The following AKAP6 variants were observed in gnomAD, a reference collection of about 807,000 sequenced individuals.
AKAP6 encodes A-kinase anchor protein 6.
AKAP6 carries 58 observed loss-of-function variants against 188.5 expected under a neutral mutation model. The ratio of observed to expected loss-of-function variants is 0.31; its 90% CI spans 0.25 to 0.38. The LOEUF (loss-of-function observed/expected upper bound fraction) is 0.38, where lower values mean the gene tolerates loss of function less well. Among genes scored for constraint, AKAP6 ranks in the 10% least tolerant of loss-of-function variants. The pLI is 1.00. For synonymous variants in AKAP6, 989 were observed against 998.6 expected (o/e 0.99, Z 0.18); for missense variants, 2,710 against 2,740.0 (o/e 0.99, Z 0.24).
chr14:32,739,940 G>C (rs2031600910), intron 11 of AKAP6, among the ~76,000 whole-genome samples: 1 of 151,938 alleles, frequency 6.6e-6, no homozygotes, highest in Admixed American at 6.6e-5. Context: ...GTTTTTTGGA[G>C]AACCTTCAAA....
Position 32,732,601 on chromosome 14 carries a change from G to T in AKAP6, c.3147+1G>T, listed in dbSNP as rs1397020168. ...TAATGAAAAATGGGAACTGCTTGGG[G>T]TATTTGCATTTTTATTACTGTTTGT... On this transcript the variant is annotated splice_donor_variant, in intron 10 of 13. Transcript: ENST00000280979. LOFTEE classifies it high-confidence loss of function. 6.2e-7 allele frequency: 1 copy of T among 1,613,198 alleles called. No homozygotes were observed. Among genetic ancestry groups the T allele is most frequent in the Non-Finnish European group, 8.5e-7 (1 of 1,179,604 alleles).
chr14:32,685,790 C>T (rs576693281), intron 8 of AKAP6, among the ~76,000 whole-genome samples: 11 of 144,954 alleles, frequency 7.6e-5, no homozygotes, highest in South Asian at 2.2e-4. Context: ...CAGGCAATAA[C>T]AAATGCTGGC....
At chr14:32,795,398 C>A (rs570243987) in intron 12 of AKAP6, among the ~76,000 whole-genome samples, 75 of 152,266 alleles carry the variant, frequency 4.9e-4, no homozygotes, top group Middle Eastern at 6.8e-3. Context: ...AAACTACTGG[C>A]AAACTGAATC....
At chr14:32,488,068 C>T (rs1221941075) in intron 2 of AKAP6, among the ~76,000 whole-genome samples, 1 of 152,200 alleles carries the variant, frequency 6.6e-6, no homozygotes, top group Non-Finnish European at 1.5e-5. Flanking sequence ...GTTGGGAGAT[C>T]CGCTGGTCTC....
At chr14:32,736,364 G>A (rs2139845104) in intron 11 of AKAP6, among the ~76,000 whole-genome samples, 2 of 152,190 alleles carry the variant, frequency 1.3e-5, no homozygotes, top group Middle Eastern at 6.8e-3. Flanking sequence ...TGTAAAACAA[G>A]TTCACACATT....
chr14:32,395,508 T>G (rs931984352), intron 1 of AKAP6, among the ~76,000 whole-genome samples: 15 of 152,086 alleles, frequency 9.9e-5, no homozygotes, highest in African/African-American at 3.6e-4. Context: ...GGCTGGTAGA[T>G]TAGGTCAACC....
chr14:32,622,521 T>G (rs1241736080), intron 7 of AKAP6, among the ~76,000 whole-genome samples: 1 of 152,118 alleles, frequency 6.6e-6, no homozygotes, highest in Non-Finnish European at 1.5e-5. Flanking sequence ...ACCAGGAAGT[T>G]AAAGAATCCC....
intron 4 of AKAP6, among the ~76,000 whole-genome samples, chr14:32,551,209 C>G (rs1415101449): frequency 2.0e-5 from 3 of 152,138 alleles, no homozygotes; most frequent in Non-Finnish European, 4.4e-5. Context: ...ATTTATAATT[C>G]CTTCACCTGT....
chr14:32,466,847 T>TATA (rs1555331133), intron 2 of AKAP6, among the ~76,000 whole-genome samples: 1 of 77,842 alleles, frequency 1.3e-5, no homozygotes, highest in Admixed American at 1.2e-4. Context: ...ATATATATAT[T>TATA]TTCTTTCTTA....
chr14:32,811,255 A>AAAAAAAAAAAAAAAAAAAAAAAAT lies in AKAP6; in HGVS notation c.3589-10146_3589-10145insAAAAAAAAAAAAAAAAAAAAAATA, dbSNP rs546819675. On this transcript the variant is annotated intron_variant, in intron 12 of 13. Transcript: ENST00000280979. ...CTCCGTCTCAGGAAAAAAAAAAAAA[A>AAAAAAAAAAAAAAAAAAAAAAAAT]AGTTGAAAAACAGACTAAGATAATG... Among the ~76,000 whole-genome samples the AAAAAAAAAAAAAAAAAAAAAAAAT allele has an allele frequency of 3.1e-4, 37 of 118,338 alleles. 2 individuals carry two copies. The highest frequency in any genetic ancestry group is 1.3e-3 in the East Asian group (5 of 3,844). The allele number at this position is 118,338 out of a possible 152,430, so 77.6% of individuals were successfully genotyped here.
chr14:32,624,906 T>A (rs1055563351), intron 7 of AKAP6, among the ~76,000 whole-genome samples: 49 of 152,146 alleles, frequency 3.2e-4, no homozygotes, highest in African/African-American at 1.1e-3. Context: ...ACAAGTAGAA[T>A]AATAAACATA....
chr14:32,523,583 C>G (rs1354005332), intron 2 of AKAP6, among the ~76,000 whole-genome samples: 1 of 151,788 alleles, frequency 6.6e-6, no homozygotes, highest in Admixed American at 6.6e-5. Flanking sequence ...ATCCTCCCAC[C>G]TCAGCTTCCT....
In AKAP6 at chr14:32,659,907, C is replaced by T. The variant is rs147409853; in HGVS notation, c.2731-18404C>T. Among the ~76,000 whole-genome samples the T allele has an allele frequency of 2.6e-4, 40 of 152,038 alleles. No individual in the cohort carries two copies. In the East Asian group the frequency reaches 7.0e-3, roughly 27 times the overall value. On this transcript the variant is annotated intron_variant, in intron 7 of 13. Coordinates refer to ENST00000280979, the MANE Select transcript of AKAP6 (RefSeq NM_004274.5). ...TCAGCTGTAGAGAATAACAAACAAA[C>T]ATAAGATTTCCATGTATAAGGTGTA... is the stretch of plus-strand genomic sequence containing the variant.
At chr14:32,466,847 T>TATATATATATATATATATATATATA (rs1555331133) in intron 2 of AKAP6, among the ~76,000 whole-genome samples, 3 of 77,838 alleles carry the variant, frequency 3.9e-5, no homozygotes, top group Non-Finnish European at 6.6e-5. Context: ...ATATATATAT[T>TATATATATATATATATATATATATA]TTCTTTCTTA....
At chr14:32,392,484 A>T (rs1888744473) in intron 1 of AKAP6, among the ~76,000 whole-genome samples, 1 of 152,162 alleles carries the variant, frequency 6.6e-6, no homozygotes, top group African/African-American at 2.4e-5. Flanking sequence ...ATACATACAT[A>T]TATTTTCCAG....
rs192031545 is a variant in AKAP6 at position 32,466,087 on chromosome 14, C to T, written c.324+32270C>T. Among the ~76,000 whole-genome samples, 15 of 152,094 alleles carry T rather than the reference C, an allele frequency of 9.9e-5. No homozygotes were observed. The Middle Eastern group carries it at 0.01, about 103-fold the overall frequency. On this transcript the variant is annotated intron_variant, in intron 2 of 13. Coordinates refer to ENST00000280979, the MANE Select transcript of AKAP6 (RefSeq NM_004274.5). Reference sequence around the variant, plus strand: ...AAAGTCAGGAAACAACAGATGCTGGCGAGGCTGTGGAGAAATAGGAATGCT... The same window carrying T: ...AAAGTCAGGAAACAACAGATGCTGGTGAGGCTGTGGAGAAATAGGAATGCT...
intron 13 of AKAP6, among the ~76,000 whole-genome samples, chr14:32,827,323 TA>T (rs930158014): frequency 8.0e-5 from 12 of 150,586 alleles, no homozygotes; most frequent in Non-Finnish European, 1.5e-4. Flanking sequence ...ATCAGGACAG[TA>T]AAATTCACCA....
At chr14:32,540,764 C>G (rs1403445211) in intron 3 of AKAP6, among the ~76,000 whole-genome samples, 1 of 152,102 alleles carries the variant, frequency 6.6e-6, no homozygotes, top group East Asian at 1.9e-4. Flanking sequence ...AGAGATAAAA[C>G]TCATTCATCT....
At chr14:32,708,784 G>C (rs578188391) in intron 9 of AKAP6, among the ~76,000 whole-genome samples, 5 of 151,924 alleles carry the variant, frequency 3.3e-5, no homozygotes, top group African/African-American at 9.6e-5. Context: ...ACATCCTTTT[G>C]GGTTTACTGT....
Sources: gnomAD v4.1 joint callset for allele counts (sites outside exome capture counted in the v4.1 genomes callset) on GRCh38, gnomAD v4.1.1 for gene constraint, MANE v1.5 for transcripts, NCBI Gene and HGNC (gene_info 2026-07-23, HGNC 2026-07-21) for gene names.